Variants in CD3E observed in about 807,000 individuals in gnomAD.
CD3E encodes T-cell surface glycoprotein CD3 epsilon chain.
CD3E carries 16 observed loss-of-function variants against 34.7 expected under a neutral mutation model. The ratio of observed to expected loss-of-function variants is 0.46; its 90% CI spans 0.31 to 0.70. The LOEUF is 0.70. CD3E is among the 30% of genes least tolerant of loss of function. The probability of loss-of-function intolerance (pLI) is 0.05; values close to 1 mark genes in which losing one functional copy is unlikely to be tolerated. For synonymous variants in CD3E, 70 were observed against 90.8 expected, an observed-to-expected ratio of 0.77 and a Z score of 1.30; for missense variants, 223 against 253.9, an observed-to-expected ratio of 0.88 and a Z score of 0.83.
At position 118,312,695 on chromosome 11, in the gene CD3E, C is replaced by T. The variant is rs201739383; in HGVS notation, c.181C>T (p.His61Tyr). The part of the protein sequence containing the change: ...QYPGSEILWQ[H>Y]NDKNIGGDED... ...TCCTGGATCTGAAATACTATGGCAA[C>T]ACAATGATAAAAACATAGGCGGTGA... Residue 61 changes from histidine (H) to tyrosine (Y), a missense_variant, in exon 6 of 9, where the codon CAC (histidine) becomes TAC (tyrosine). Physicochemically the swap from His to Tyr is moderately conservative, Grantham distance 83 (BLOSUM62 2). Transcript: ENST00000361763. The T allele has an allele frequency of 5.0e-6, 8 of 1,614,128 alleles. No individual in the cohort carries two copies. The highest frequency in any genetic ancestry group is 5.9e-6 in the Non-Finnish European group (7 of 1,180,000).
At chr11:118,310,399 G>A (rs1340864110) in intron 4 of CD3E, among the ~76,000 whole-genome samples, 1 of 152,160 alleles carries the variant, frequency 6.6e-6, no homozygotes, top group Admixed American at 6.5e-5. Context: ...CACTGTGTTA[G>A]TTTGCTAAAG....
At chr11:118,312,896 C>T (rs200648038) in intron 6 of CD3E, 30 bp downstream of exon 6, 146 of 1,613,572 alleles carry the variant, frequency 9.0e-5, no homozygotes, top group Non-Finnish European at 1.1e-4. Context: ...CAGGTACCAC[C>T]GGCTCTTTAG....
chr11:118,309,618 T>C (rs979746554), intron 4 of CD3E, among the ~76,000 whole-genome samples: 1 of 152,082 alleles, frequency 6.6e-6, no homozygotes, highest in Non-Finnish European at 1.5e-5. Flanking sequence ...GAATTTTAGC[T>C]ATTAATACAT....
In CD3E at chr11:118,315,563, C is replaced by A; in HGVS notation, c.*21C>A. 1 of 1,602,902 alleles carries A rather than the reference C, an allele frequency of 6.2e-7. No homozygotes were observed. On this transcript the variant is annotated 3_prime_UTR_variant, in exon 9 of 9. Transcript: ENST00000361763. Reference sequence around the variant, plus strand: ...TCTGACCCTCTGGAGAACACTGCCTCCCGCTGGCCCAGGTCTCCTCTCCAG... The same window carrying A: ...TCTGACCCTCTGGAGAACACTGCCTACCGCTGGCCCAGGTCTCCTCTCCAG...
chr11:118,314,654 G>A (rs537813813), intron 8 of CD3E, among the ~76,000 whole-genome samples, 160 bp downstream of exon 8: 3 of 152,032 alleles, frequency 2.0e-5, no homozygotes, highest in Non-Finnish European at 4.4e-5. Context: ...GTCCTTCATG[G>A]TAAAACAGGA....
At chr11:118,312,968 C>T (rs766927362) in intron 6 of CD3E, 102 bp downstream of exon 6, 16 of 1,301,744 alleles carry the variant, frequency 1.2e-5, no homozygotes, top group South Asian at 8.3e-5. Flanking sequence ...AGTGCCCAGG[C>T]GTCTTTGCGC....
intron 2 of CD3E, among the ~76,000 whole-genome samples, chr11:118,306,508 TA>T (rs1312659654): frequency 6.7e-6 from 1 of 150,018 alleles, no homozygotes. Context: ...AATAAATAAA[TA>T]AATAAATAAA....
In CD3E at chr11:118,312,558, A is replaced by G. The variant is rs914879175; in HGVS notation, c.104-60A>G. 4 of 1,603,602 alleles carry G rather than the reference A, an allele frequency of 2.5e-6. No individual in the cohort carries two copies. In the East Asian group the frequency reaches 8.9e-5, roughly 36 times the overall value. On this transcript the variant is annotated intron_variant, in intron 5 of 8. Coordinates refer to ENST00000361763, the MANE Select transcript of CD3E (RefSeq NM_000733.4). ...GCATTTGGGTGGTTCTTTTGTCACT[A>G]ATTTGCCTTTTCTAAAATTGTCCTG...
chr11:118,304,965 A>T lies in CD3E; in HGVS notation c.13A>T (p.Thr5Ser). Residue 5 changes from threonine to serine, a missense_variant, in exon 2 of 9, where the codon ACT becomes TCT. Transcript: ENST00000361763. ...CCATGAAACAAAGATGCAGTCGGGCACTCACTGGAGAGTTCTGGGCCTCTG... is the reference window on the plus strand; with the variant it reads ...CCATGAAACAAAGATGCAGTCGGGCTCTCACTGGAGAGTTCTGGGCCTCTG... MQSG[T>S]HWRVLGLCLL... is the part of the protein sequence containing the mutation. 1 of 1,614,008 alleles carries T rather than the reference A, an allele frequency of 6.2e-7. No homozygotes were observed.
rs1361788582 is a variant in CD3E, at chr11:118,313,714, G to C, written c.360G>C (p.Glu120Asp). ...FYLYLRARVC[E>D]NCMEMDVMSV... ...CCACCCCACCCCCCACAGTGTGTGA[G>C]AACTGCATGGAGATGGATGTGATGT... Residue 120 changes from glutamate to aspartate, a missense_variant, in exon 7 of 9, where the codon GAG becomes GAC. By Grantham distance (45) the Glu-to-Asp change is conservative. Coordinates refer to ENST00000361763, the MANE Select transcript of CD3E (RefSeq NM_000733.4). The C allele has an allele frequency of 1.1e-5, 18 of 1,613,932 alleles. No homozygotes were observed. Among genetic ancestry groups the C allele is most frequent in the Non-Finnish European group, 1.2e-5 (14 of 1,180,002 alleles).
chr11:118,308,492 A>G lies in CD3E; in HGVS notation c.85+51A>G, dbSNP rs375086376. 175 of 1,148,794 alleles carry G rather than the reference A, an allele frequency of 1.5e-4. No individual in the cohort carries two copies. In the African/African-American group the frequency reaches 2.4e-3, roughly 16 times the overall value. The allele number at this position is 1,148,794 out of a possible 1,614,324, so 71.2% of individuals were successfully genotyped here. A position where few individuals can be genotyped will look rare whatever the true frequency, so the allele number is the denominator to read the frequency against. ...CAAAAGTTTTCAAATATGGAATGAA[A>G]TGCTCATAGAGTACAATCACAGTAA... On this transcript the variant is annotated intron_variant, in intron 4 of 8. Transcript: ENST00000361763.
chr11:118,308,389 G>A, intron 3 of CD3E, 38 bp from the exon 4 acceptor site: 1 of 1,560,042 alleles, frequency 6.4e-7, no homozygotes, highest in Non-Finnish European at 8.8e-7. Context: ...ATTGCCGATA[G>A]AAACATTACT....
intron 7 of CD3E, among the ~76,000 whole-genome samples, chr11:118,314,178 A>G (rs1433600860): frequency 6.6e-6 from 1 of 152,194 alleles, no homozygotes; most frequent in Non-Finnish European, 1.5e-5. Flanking sequence ...TTGATATATT[A>G]GCTCCTGCCT....
rs201723903 is a variant in CD3E at position 118,316,074 on chromosome 11, C to G, written c.*532C>G. ...CCCCCTAATCCCCTACTCCCTCCAC[C>G]CCCCCTCCACTGTAGGCCACTGGAT... On this transcript the variant is annotated 3_prime_UTR_variant, in exon 9 of 9. Coordinates refer to ENST00000361763, the MANE Select transcript of CD3E (RefSeq NM_000733.4). The G allele has an allele frequency of 3.0e-5, 5 of 165,454 alleles. No individual in the cohort carries two copies. The highest frequency in any genetic ancestry group is 6.6e-5 in the Non-Finnish European group (5 of 76,172). The allele number at this position is 165,454 out of a possible 1,614,324, so 10.2% of individuals were successfully genotyped here. A position where few individuals can be genotyped will look rare whatever the true frequency, so the allele number is the denominator to read the frequency against.
chr11:118,309,818 G>C (rs1371518215), intron 4 of CD3E, among the ~76,000 whole-genome samples: 1 of 152,184 alleles, frequency 6.6e-6, no homozygotes, highest in Non-Finnish European at 1.5e-5. Flanking sequence ...CAGTCCTGGG[G>C]ATATAAATGC....
intron 2 of CD3E, among the ~76,000 whole-genome samples, chr11:118,306,789 T>C (rs1269048013): frequency 2.6e-5 from 4 of 152,266 alleles, no homozygotes; most frequent in African/African-American, 9.6e-5. Context: ...CAGGCCCTAG[T>C]TGATGAGTAA....
rs1406636428 is a variant in CD3E at position 118,307,140 on chromosome 11, G to C, written c.50-148G>C. On this transcript the variant is annotated intron_variant, in intron 2 of 8. Transcript: ENST00000361763. ...ACCAGCAGTAAGTTCCACTGTTCTA[G>C]GGTGTAGAAATGGCTGTGACCCAGC... 6.1e-6 allele frequency: 4 copies of C among 657,836 alleles called. No individual in the cohort carries two copies. In the African/African-American group the frequency reaches 7.2e-5, roughly 12 times the overall value. 40.7% of individuals were successfully genotyped at this position (657,836 alleles called of 1,614,324 possible). A position where few individuals can be genotyped will look rare whatever the true frequency, so the allele number is the denominator to read the frequency against.
intron 8 of CD3E, among the ~76,000 whole-genome samples, chr11:118,314,826 C>A (rs946155702): frequency 6.6e-6 from 1 of 152,056 alleles, no homozygotes; most frequent in African/African-American, 2.4e-5. Flanking sequence ...ATTCCACCAG[C>A]ATGCACCAGT....
chr11:118,312,575 A>G, intron 5 of CD3E, 43 bp from the exon 6 acceptor site: 5 of 1,613,832 alleles, frequency 3.1e-6, no homozygotes, highest in Non-Finnish European at 4.2e-6. Flanking sequence ...CTTTTCTAAA[A>G]TTGTCCTGGT....
Sources: allele counts gnomAD v4.1 joint callset (sites outside exome capture counted in the v4.1 genomes callset), GRCh38; gene constraint gnomAD v4.1.1; transcripts MANE v1.5; gene names NCBI Gene and HGNC (gene_info 2026-07-23, HGNC 2026-07-21).